The following TENM2 variants were observed in gnomAD, a reference collection of about 807,000 sequenced individuals.
The protein encoded by TENM2 is teneurin-2.
TENM2 carries 52 observed loss-of-function variants against 245.2 expected under a neutral mutation model. The observed-to-expected ratio is 0.21, with a 90% CI of 0.17 to 0.27. TENM2 has a LOEUF of 0.27. TENM2 is among the 10% of genes least tolerant of loss of function. The pLI, the probability that TENM2 is intolerant of heterozygous loss-of-function variation, is 1.00. For synonymous variants in TENM2, 1,363 were observed against 1,438.9 expected (o/e 0.95, Z 1.19); for missense variants, 3,046 against 3,666.8 (o/e 0.83, Z 4.37).
the TENM2 span, among the ~76,000 whole-genome samples, chr5:167,109,580 A>G: frequency 6.6e-6 from 1 of 152,088 alleles, no homozygotes; most frequent in Non-Finnish European, 1.5e-5. Flanking sequence ...TGGAACATCC[A>G]TTCTTTGGTT....
In TENM2 at chr5:167,893,037, G is replaced by T. The variant is rs891493870; in HGVS notation, c.712+16842G>T. On this transcript the variant is annotated intron_variant, in intron 3 of 28. Coordinates refer to ENST00000518659, the Ensembl canonical transcript of TENM2. ...TGACTGACATTAACTCTGAGATTTTGCTGGCGGCAATGTGGAGGGAGAGTA... is the reference window on the plus strand; with the variant it reads ...TGACTGACATTAACTCTGAGATTTTTCTGGCGGCAATGTGGAGGGAGAGTA... 5.9e-5 allele frequency among the ~76,000 whole-genome samples: 9 copies of T among 152,104 alleles called. No individual in the cohort carries two copies. In the South Asian group the frequency reaches 1.7e-3, roughly 28 times the overall value.
At chr5:168,062,604 T>A (rs1430736928) in intron 7 of TENM2, among the ~76,000 whole-genome samples, 1 of 152,206 alleles carries the variant, frequency 6.6e-6, no homozygotes, top group African/African-American at 2.4e-5. Flanking sequence ...GCCTTATTTA[T>A]GATAGCCAAA....
intron 5 of TENM2, among the ~76,000 whole-genome samples, chr5:168,031,732 G>C (rs760327376): frequency 8.1e-5 from 12 of 147,674 alleles, no homozygotes; most frequent in Non-Finnish European, 1.5e-4. Context: ...AGCAAGGGAA[G>C]GAAGGAGTGA....
intron 1 of TENM2, among the ~76,000 whole-genome samples, chr5:167,367,703 G>A (rs1272742118): frequency 1.3e-5 from 2 of 151,852 alleles, no homozygotes; most frequent in African/African-American, 2.4e-5. Flanking sequence ...CGATTATTTT[G>A]TATGGCTCAC....
At chr5:167,688,656 A>G (rs1757231106) in intron 2 of TENM2, among the ~76,000 whole-genome samples, 1 of 152,250 alleles carries the variant, frequency 6.6e-6, no homozygotes, top group South Asian at 2.1e-4. Flanking sequence ...TCATATTTTA[A>G]GGAACTCAAT....
intron 8 of TENM2, among the ~76,000 whole-genome samples, chr5:168,092,104 T>G (rs1792994138): frequency 6.6e-6 from 1 of 152,252 alleles, no homozygotes; most frequent in South Asian, 2.1e-4. Flanking sequence ...CCATGGATTT[T>G]CCTGAGGGGC....
intron 27 of TENM2, among the ~76,000 whole-genome samples, chr5:168,256,220 ATGTATATATATG>A (rs1229187992): frequency 2.0e-5 from 3 of 151,624 alleles, no homozygotes; most frequent in African/African-American, 4.8e-5. Context: ...ATATGTCTAT[ATGTATATATATG>A]TGTATATATA....
chr5:167,285,014 C>G, exon 1 of TENM2: 1 of 1,552,150 alleles, frequency 6.4e-7, no homozygotes, highest in Non-Finnish European at 8.7e-7. Context: ...ACTATGGAAA[C>G]CGAGTCACAG....
At chr5:167,814,461 A>G (rs1473690165) in intron 2 of TENM2, among the ~76,000 whole-genome samples, 1 of 150,790 alleles carries the variant, frequency 6.6e-6, no homozygotes, top group Non-Finnish European at 1.5e-5. Context: ...TTCAAAAAAA[A>G]AAAAAAAAGA....
intron 2 of TENM2, among the ~76,000 whole-genome samples, chr5:167,662,150 A>G (rs1582683456): frequency 6.6e-6 from 1 of 152,342 alleles, no homozygotes; most frequent in East Asian, 1.9e-4. Flanking sequence ...GACAAAATCA[A>G]CAGGTGCCCA....
the TENM2 span, among the ~76,000 whole-genome samples, chr5:167,179,962 T>C: frequency 6.6e-5 from 10 of 152,148 alleles, no homozygotes; most frequent in Non-Finnish European, 1.3e-4. Flanking sequence ...AGGATATTCA[T>C]GGAAAGGCAG....
At chr5:166,997,892 CATAA>C in the TENM2 span, among the ~76,000 whole-genome samples, 739 of 152,164 alleles carry the variant, frequency 4.9e-3, 10 homozygotes, top group Admixed American at 7.3e-3. Flanking sequence ...TAAACAAAAA[CATAA>C]ATAAACAACA....
intron 1 of TENM2, among the ~76,000 whole-genome samples, chr5:167,332,244 G>A (rs936632244): frequency 3.9e-5 from 6 of 152,086 alleles, no homozygotes; most frequent in Non-Finnish European, 1.5e-5. Context: ...CTTTGTTGAG[G>A]CTCTATTTTC....
chr5:167,135,052 C>T, the TENM2 span, among the ~76,000 whole-genome samples: 11 of 152,244 alleles, frequency 7.2e-5, no homozygotes, highest in South Asian at 2.1e-3. Flanking sequence ...TGTACATTAT[C>T]GTCATCAGAG....
At chr5:167,029,628 A>T in the TENM2 span, among the ~76,000 whole-genome samples, 76 of 152,244 alleles carry the variant, frequency 5.0e-4, 1 homozygote, top group East Asian at 0.015. Context: ...CATCATCTCT[A>T]AAATTGGAAT....
intron 12 of TENM2, among the ~76,000 whole-genome samples, chr5:168,160,491 A>G (rs542588795): frequency 2.6e-5 from 4 of 152,342 alleles, no homozygotes; most frequent in African/African-American, 9.6e-5. Context: ...AAAAGAAAAC[A>G]GATTCCCTGG....
intron 4 of TENM2, among the ~76,000 whole-genome samples, chr5:167,978,673 G>C (rs1320195055): frequency 6.6e-6 from 1 of 151,610 alleles, no homozygotes; most frequent in Admixed American, 6.6e-5. Context: ...GGGGGAATTT[G>C]AGGTTTTTTG....
chr5:168,027,291 C>G (rs973799006), intron 5 of TENM2, among the ~76,000 whole-genome samples: 1 of 152,176 alleles, frequency 6.6e-6, no homozygotes. Context: ...GTTCTAAGTG[C>G]ACAGGGCTTT....
chr5:167,680,482 A>G (rs959055613), intron 2 of TENM2, among the ~76,000 whole-genome samples: 2 of 152,256 alleles, frequency 1.3e-5, no homozygotes, highest in Admixed American at 1.3e-4. Context: ...GATATTGGGA[A>G]GTCCTCTAAG....
Sources: gnomAD v4.1 joint callset for allele counts (sites outside exome capture counted in the v4.1 genomes callset) on GRCh38, gnomAD v4.1.1 for gene constraint, MANE v1.5 for transcripts, NCBI Gene and HGNC (gene_info 2026-07-23, HGNC 2026-07-21) for gene names.